The following SMURF2 variants were observed in gnomAD, a reference collection of about 807,000 sequenced individuals.
SMURF2 encodes the protein E3 ubiquitin-protein ligase SMURF2.
Under a neutral mutation model 109.6 loss-of-function variants are expected in SMURF2, and 48 were observed. That is an observed-to-expected ratio of 0.44 (90% CI 0.35 to 0.56). The LOEUF (loss-of-function observed/expected upper bound fraction) is 0.56. Among genes scored for constraint, SMURF2 ranks in the 20% least tolerant of loss-of-function variants. The pLI, the probability that SMURF2 is intolerant of heterozygous loss-of-function variation, is 0.01. For synonymous variants in SMURF2, 288 were observed against 317.1 expected (o/e 0.91, Z 0.97); for missense variants, 575 against 909.0 (o/e 0.63, Z 4.72).
At chr17:64,546,383 A>G (rs782080408) in intron 17 of SMURF2, 45 bp from the exon 18 acceptor site, 2 of 1,546,692 alleles carry the variant, frequency 1.3e-6, no homozygotes, top group East Asian at 2.3e-5. Flanking sequence ...AGGTGCGTGC[A>G]TTAGTCTCCA....
chr17:64,619,492 A>G (rs1315341225), intron 1 of SMURF2, among the ~76,000 whole-genome samples: 2 of 151,168 alleles, frequency 1.3e-5, no homozygotes, highest in African/African-American at 4.9e-5. Context: ...AAAAAAAAAA[A>G]AAAAAAAAAA....
chr17:64,566,513 C>A (rs797034558), intron 10 of SMURF2, among the ~76,000 whole-genome samples: 4 of 110,506 alleles, frequency 3.6e-5, no homozygotes, highest in Admixed American at 9.7e-5. Context: ...AAGAAAAAAA[C>A]AAAACAAAAC....
intron 16 of SMURF2, among the ~76,000 whole-genome samples, chr17:64,550,011 T>C (rs1489896371): frequency 6.6e-6 from 1 of 152,238 alleles, no homozygotes; most frequent in Non-Finnish European, 1.5e-5. Flanking sequence ...ATTCTTTTCT[T>C]CAGAGGAATG....
chr17:64,612,201 G>A (rs1389087349), intron 1 of SMURF2, among the ~76,000 whole-genome samples: 2 of 152,164 alleles, frequency 1.3e-5, no homozygotes, highest in East Asian at 3.9e-4. Context: ...CATACAGCAC[G>A]AATCATGCCT....
At chr17:64,638,708 G>C (rs1555692330) in intron 1 of SMURF2, among the ~76,000 whole-genome samples, 1 of 152,128 alleles carries the variant, frequency 6.6e-6, no homozygotes, top group Non-Finnish European at 1.5e-5. Context: ...CACACTTTGG[G>C]TGCCAGATGC....
Position 64,661,973 on chromosome 17 carries a change from G to A in SMURF2, c.-93C>T. On this transcript the variant is annotated 5_prime_UTR_variant, in exon 1 of 19. Coordinates refer to ENST00000262435, the MANE Select transcript of SMURF2 (RefSeq NM_022739.4). The stretch of plus-strand genomic sequence containing the variant: ...ACCACAGCGGCCGGGGCTGGGGCCC[G>A]AGCAGCCGGCGCCTCGGCCGCCACG... 1.8e-6 allele frequency: 2 copies of A among 1,119,840 alleles called. No homozygotes were observed. The highest frequency in any genetic ancestry group is 5.0e-5 in the Admixed American group (1 of 20,020). 69.4% of individuals were successfully genotyped at this position (1,119,840 alleles called of 1,614,324 possible).
intron 1 of SMURF2, among the ~76,000 whole-genome samples, chr17:64,607,070 T>C (rs1555689121): frequency 1.3e-5 from 2 of 148,394 alleles, no homozygotes; most frequent in African/African-American, 2.4e-5. Context: ...GAGTTTTTTT[T>C]CTTTTTTTTT....
chr17:64,633,582 T>C (rs1970376043), intron 1 of SMURF2, among the ~76,000 whole-genome samples: 1 of 152,204 alleles, frequency 6.6e-6, no homozygotes, highest in African/African-American at 2.4e-5. Context: ...TTGTTGCAAG[T>C]TTAAATTCCA....
chr17:64,631,279 G>GGGAGAGAGAGAGAGAGAGA (rs1970338627), intron 1 of SMURF2, among the ~76,000 whole-genome samples: 1 of 7,442 alleles, frequency 1.3e-4, no homozygotes, highest in Non-Finnish European at 2.9e-4. Context: ...AGAGGGGGGG[G>GGGAGAGAGAGAGAGAGAGA]GGGAGAGAGA....
At chr17:64,549,262 CAAAAAAAAAAAAAA>C (rs577973821) in intron 16 of SMURF2, among the ~76,000 whole-genome samples, 5 of 41,572 alleles carry the variant, frequency 1.2e-4, no homozygotes, top group African/African-American at 3.3e-4. Context: ...ACTGTGTCTC[CAAAAAAAAAAAAAA>C]AAAAAAAAAA....
In SMURF2 at chr17:64,662,247, CG is replaced by C. The variant is rs1206669367; in HGVS notation, c.-368del. On this transcript the variant is annotated 5_prime_UTR_variant, in exon 1 of 19. Transcript: ENST00000262435. ...CTGGTCGGCTGAAGCGGGCGGTGCT[CG>C]GGGGCGCCGGAGCAGAACTCTGGGC... is the stretch of plus-strand genomic sequence containing the variant. 3 of 983,254 alleles carry C rather than the reference CG, an allele frequency of 3.1e-6. No homozygotes were observed. In the African/African-American group the frequency reaches 5.3e-5, roughly 17 times the overall value. 60.9% of individuals were successfully genotyped at this position (983,254 alleles called of 1,614,324 possible).
At chr17:64,563,206 C>A in intron 10 of SMURF2, 2 of 329,024 alleles carry the variant, frequency 6.1e-6, no homozygotes, top group South Asian at 6.6e-5. Context: ...AAGCTTTATA[C>A]AGCTTCTGAG....
chr17:64,607,916 A>G (rs1171690462), intron 1 of SMURF2, among the ~76,000 whole-genome samples: 3 of 151,584 alleles, frequency 2.0e-5, no homozygotes, highest in Non-Finnish European at 4.4e-5. Context: ...GGCTGCAATG[A>G]GCCAAGATTG....
chr17:64,580,913 A>G lies in SMURF2; in HGVS notation c.648T>C (p.Asn216=), dbSNP rs782456417. ...VDENTPISGT[N]GATCGQSSDP... ...CTGAAGACTGTCCACATGTTGCACC[A>G]TTTGTTCCACTAATTGGAGTGTTCT... Residue 216 remains asparagine (N), a synonymous_variant, in exon 8 of 19, where the codon AAT becomes AAC. Transcript: ENST00000262435. 64 of 1,614,028 alleles carry G rather than the reference A, an allele frequency of 4.0e-5. No homozygotes were observed. The highest frequency in any genetic ancestry group is 5.0e-5 in the Non-Finnish European group (59 of 1,180,004).
rs553327882 is a variant in SMURF2, at chr17:64,626,007, C to T, written c.53-19367G>A. ...ACAACATAGGGGCTGGGCCTGGTGG[C>T]TTATGCCTATAATCCCAGCACCTTG... On this transcript the variant is annotated intron_variant, in intron 1 of 18. Transcript: ENST00000262435. Among the ~76,000 whole-genome samples, 52 of 152,246 alleles carry T rather than the reference C, an allele frequency of 3.4e-4. No homozygotes were observed. The South Asian group carries it at 0.011, about 31-fold the overall frequency.
At chr17:64,604,941 C>T (rs558693972) in intron 2 of SMURF2, among the ~76,000 whole-genome samples, 8 of 150,148 alleles carry the variant, frequency 5.3e-5, no homozygotes, top group Admixed American at 2.7e-4. Context: ...GAGACTCCGT[C>T]TAAAAAAAAA....
chr17:64,593,373 G>A, intron 4 of SMURF2, 67 bp downstream of exon 4: 6 of 1,416,714 alleles, frequency 4.2e-6, no homozygotes, highest in Non-Finnish European at 5.7e-6. Flanking sequence ...ATATGTATAT[G>A]CACAAATACA....
At chr17:64,606,076 T>C (rs1445457186) in intron 2 of SMURF2, among the ~76,000 whole-genome samples, 1 of 151,758 alleles carries the variant, frequency 6.6e-6, no homozygotes, top group Non-Finnish European at 1.5e-5. Flanking sequence ...TTACAACAGA[T>C]TGGTAAATAT....
At chr17:64,648,905 C>T (rs1248963332) in intron 1 of SMURF2, among the ~76,000 whole-genome samples, 1 of 152,072 alleles carries the variant, frequency 6.6e-6, no homozygotes, top group South Asian at 2.1e-4. Context: ...TCTTTCTCTA[C>T]AAAATTCCCC....
Sources: allele counts gnomAD v4.1 joint callset (sites outside exome capture counted in the v4.1 genomes callset), GRCh38; gene constraint gnomAD v4.1.1; transcripts MANE v1.5; gene names NCBI Gene and HGNC (gene_info 2026-07-23, HGNC 2026-07-21).